Variants in P2RY12 observed in about 807,000 individuals in gnomAD.
The protein encoded by P2RY12 is P2Y purinoceptor 12.
A neutral mutation model predicts 4.5 loss-of-function variants in P2RY12; 3 were observed. The observed-to-expected ratio is 0.67, with a 90% CI of 0.31 to 1.74. P2RY12 has a LOEUF of 1.74. Ranked by LOEUF, P2RY12 falls within the 40% of genes most tolerant of loss-of-function variation. The pLI is 0.09. For synonymous variants in P2RY12, 148 were observed against 154.1 expected (o/e 0.96, Z 0.29); for missense variants, 356 against 407.8 (o/e 0.87, Z 1.09).
intron 1 of P2RY12, among the ~76,000 whole-genome samples, chr3:151,345,705 A>G (rs1752454774): frequency 6.6e-6 from 1 of 151,648 alleles, no homozygotes. Flanking sequence ...TTTAGTAGAG[A>G]TGGAGTTTTC....
At chr3:151,364,903 A>G in intron 1 of P2RY12, 2 of 1,030,212 alleles carry the variant, frequency 1.9e-6, no homozygotes, top group Non-Finnish European at 3.0e-6. Flanking sequence ...GCCATTTAAT[A>G]TGTCCTTAAG....
Position 151,359,312 on chromosome 3 carries a change from G to C in P2RY12, c.-179-18552C>G, listed in dbSNP as rs59958773. ...GGTTTGCTTGTTTATATAGTTAACA[G>C]GTTGAATCATTACTTTTCTTCTTAA... On this transcript the variant is annotated intron_variant, in intron 1 of 2. Transcript: ENST00000302632. Among the ~76,000 whole-genome samples the C allele has an allele frequency of 4.0e-3, 612 of 152,246 alleles. 3 individuals carry two copies. Among genetic ancestry groups the C allele is most frequent in the African/African-American group, 0.014 (587 of 41,560 alleles).
chr3:151,366,049 G>T, intron 1 of P2RY12: 1 of 1,349,806 alleles, frequency 7.4e-7, no homozygotes, highest in Non-Finnish European at 9.8e-7. Context: ...TAGTTAGTGG[G>T]TAATCTTTTT....
chr3:151,373,304 G>C (rs1482648979), intron 1 of P2RY12, among the ~76,000 whole-genome samples: 1 of 152,108 alleles, frequency 6.6e-6, no homozygotes, highest in Non-Finnish European at 1.5e-5. Flanking sequence ...ATGTCTGAAG[G>C]CATGTGATGT....
intron 1 of P2RY12, 54 bp downstream of exon 1, chr3:151,384,636 CAA>C (rs1404839943): frequency 5.2e-6 from 1 of 190,518 alleles, no homozygotes; most frequent in Non-Finnish European, 1.1e-5. Flanking sequence ...GAAAACAGTG[CAA>C]AAAAGAAACC....
At chr3:151,363,291 G>C (rs1216842795) in intron 1 of P2RY12, among the ~76,000 whole-genome samples, 1 of 152,108 alleles carries the variant, frequency 6.6e-6, no homozygotes, top group Non-Finnish European at 1.5e-5. Flanking sequence ...AAGAAAAATG[G>C]GCAAACAAAA....
chr3:151,344,586 G>A (rs1427939768), intron 1 of P2RY12, among the ~76,000 whole-genome samples: 5 of 152,134 alleles, frequency 3.3e-5, no homozygotes, highest in Non-Finnish European at 5.9e-5. Flanking sequence ...GTGATAGGTT[G>A]CTATGTGCAG....
intron 1 of P2RY12, chr3:151,355,973 T>A: frequency 6.2e-7 from 1 of 1,614,130 alleles, no homozygotes; most frequent in East Asian, 2.2e-5. Context: ...CTCACCACAT[T>A]CAGCTCATCT....
At position 151,337,901 on chromosome 3, in the gene P2RY12, G is replaced by A; in HGVS notation, c.945C>T (p.Cys315=). The A allele has an allele frequency of 6.2e-7, 1 of 1,614,086 alleles. No individual in the cohort carries two copies. The highest frequency in any genetic ancestry group is 8.5e-7 in the Non-Finnish European group (1 of 1,179,986). ...GGGACAGAGATGTTGCAGAATTGGGGCACTTCAGCATACTTATCAAGGAAT... is the reference window on the plus strand; with the variant it reads ...GGGACAGAGATGTTGCAGAATTGGGACACTTCAGCATACTTATCAAGGAAT... The part of the protein sequence containing the change: ...FRNSLISMLK[C]PNSATSLSQD... The change falls in exon 3 of 3, where the codon TGC becomes TGT. Residue 315 remains cysteine (C), a synonymous_variant. Coordinates refer to ENST00000302632, the MANE Select transcript of P2RY12 (RefSeq NM_022788.5).
intron 1 of P2RY12, chr3:151,383,901 C>T: frequency 6.2e-7 from 1 of 1,602,208 alleles, no homozygotes; most frequent in Non-Finnish European, 8.5e-7. Context: ...ATGTTTTTAT[C>T]ACTTCACATT....
chr3:151,368,854 C>T (rs780459570), intron 1 of P2RY12, among the ~76,000 whole-genome samples: 1 of 146,928 alleles, frequency 6.8e-6, no homozygotes, highest in Non-Finnish European at 1.5e-5. Flanking sequence ...CTCTGCCTCC[C>T]GGGCTTAGGC....
chr3:151,369,725 C>T (rs1424111834), intron 1 of P2RY12, among the ~76,000 whole-genome samples: 4 of 152,114 alleles, frequency 2.6e-5, no homozygotes, highest in Non-Finnish European at 5.9e-5. Flanking sequence ...TCTGGAAGAT[C>T]CTGTCCCTTA....
Position 151,355,128 on chromosome 3 carries a change from C to G in P2RY12, c.-179-14368G>C, listed in dbSNP as rs199750872. 12 of 1,612,426 alleles carry G rather than the reference C, an allele frequency of 7.4e-6. No individual in the cohort carries two copies. The East Asian group carries it at 2.7e-4, about 36-fold the overall frequency. ...TGCTTTATGTTTATGTAGTTGGGGA[C>G]GAAGGACAAAAAGCCAGGAAGAACA... On this transcript the variant is annotated intron_variant, in intron 1 of 2. Transcript: ENST00000302632.
At chr3:151,380,905 C>T (rs531969635) in intron 1 of P2RY12, among the ~76,000 whole-genome samples, 172 of 152,288 alleles carry the variant, frequency 1.1e-3, no homozygotes, top group African/African-American at 3.5e-3. Flanking sequence ...TTATCAGGCA[C>T]GCTTTCAGCT....
Position 151,337,921 on chromosome 3 carries a change from A to G in P2RY12, c.925T>C (p.Leu309=). 6.2e-7 allele frequency: 1 copy of G among 1,614,150 alleles called. No individual in the cohort carries two copies. The highest frequency in any genetic ancestry group is 1.1e-5 in the South Asian group (1 of 91,086). ...TTGGGGCACTTCAGCATACTTATCA[A>G]GGAATTTCTGAAGGACTTGCAAAGG... is the stretch of plus-strand genomic sequence containing the variant. ...FFLCKSFRNS[L]ISMLKCPNSA... The change falls in exon 3 of 3, where the codon TTG becomes CTG. Residue 309 remains leucine, a synonymous_variant. Coordinates refer to ENST00000302632, the MANE Select transcript of P2RY12 (RefSeq NM_022788.5).
chr3:151,381,777 G>T (rs138273559), intron 1 of P2RY12, among the ~76,000 whole-genome samples: 7 of 152,156 alleles, frequency 4.6e-5, no homozygotes, highest in Admixed American at 2.0e-4. Context: ...TAACTACCTT[G>T]CCCCCTTAAG....
chr3:151,378,775 A>G (rs1473173370), intron 1 of P2RY12, among the ~76,000 whole-genome samples: 1 of 152,200 alleles, frequency 6.6e-6, no homozygotes, highest in African/African-American at 2.4e-5. Context: ...AAGGAAAAAA[A>G]TTGATAATTT....
chr3:151,343,856 G>A (rs1752202414), intron 1 of P2RY12, among the ~76,000 whole-genome samples: 1 of 152,082 alleles, frequency 6.6e-6, no homozygotes, highest in Admixed American at 6.6e-5. Context: ...TTTGGAACTG[G>A]GCAGGAGGAT....
chr3:151,352,599 T>C (rs1753372701), intron 1 of P2RY12, among the ~76,000 whole-genome samples: 1 of 151,614 alleles, frequency 6.6e-6, no homozygotes, highest in Non-Finnish European at 1.5e-5. Context: ...TTAGCATGTA[T>C]TTGATTTCTG....
Sources: allele counts gnomAD v4.1 joint callset (sites outside exome capture counted in the v4.1 genomes callset), GRCh38; gene constraint gnomAD v4.1.1; transcripts MANE v1.5; gene names NCBI Gene and HGNC (gene_info 2026-07-23, HGNC 2026-07-21).